The following IFT122 variants were observed in gnomAD, a reference collection of about 807,000 sequenced individuals.
IFT122 encodes the protein intraflagellar transport 122.
IFT122 carries 118 observed loss-of-function variants against 161.6 expected under a neutral mutation model. The ratio of observed to expected loss-of-function variants is 0.73; its 90% CI spans 0.63 to 0.85. IFT122 has a LOEUF of 0.85. Among genes scored for constraint, IFT122 ranks in the 40% least tolerant of loss-of-function variants. IFT122 has a pLI of 0.00. For missense variants in IFT122, 1,381 were observed against 1,579.6 expected (o/e 0.87, Z 2.13); for synonymous variants, 550 against 602.4 (o/e 0.91, Z 1.27).
chr3:129,457,170 C>G (rs940858678), intron 3 of IFT122, among the ~76,000 whole-genome samples: 1 of 152,166 alleles, frequency 6.6e-6, no homozygotes. Flanking sequence ...GCCATGGTAC[C>G]GTGATCCTCT....
chr3:129,516,709 CACACACACACACACACAG>C (rs2083788144), intron 26 of IFT122, among the ~76,000 whole-genome samples: 2 of 119,214 alleles, frequency 1.7e-5, no homozygotes, highest in African/African-American at 3.4e-5. Flanking sequence ...CACACACACA[CACACACACACACACACAG>C]AGAGACTGCC....
intron 5 of IFT122, among the ~76,000 whole-genome samples, chr3:129,462,790 A>G (rs1319045334): frequency 6.6e-6 from 1 of 152,208 alleles, no homozygotes; most frequent in Non-Finnish European, 1.5e-5. Flanking sequence ...TACACTTGCT[A>G]TGAGGCACTG....
At chr3:129,451,750 A>C (rs1053360918) in intron 2 of IFT122, among the ~76,000 whole-genome samples, 164 bp from the exon 3 acceptor site, 2 of 152,158 alleles carry the variant, frequency 1.3e-5, no homozygotes, top group African/African-American at 2.4e-5. Context: ...TGGTTACCCA[A>C]CTTTAAGTCA....
At chr3:129,517,431 G>C (rs749653110) in intron 26 of IFT122, 38 bp from the exon 27 acceptor site, 136 of 1,610,528 alleles carry the variant, frequency 8.4e-5, no homozygotes, top group Non-Finnish European at 1.1e-4. Context: ...CCTTTGCAAG[G>C]CCTCCAGCCC....
chr3:129,507,579 T>C, intron 22 of IFT122, 89 bp from the exon 23 acceptor site: 1 of 962,354 alleles, frequency 1.0e-6, no homozygotes, highest in South Asian at 1.3e-5. Flanking sequence ...CTGGGAAAAG[T>C]ACTGTTGCCT....
chr3:129,455,388 A>G (rs28405331), intron 3 of IFT122, among the ~76,000 whole-genome samples: 35,773 of 151,630 alleles, frequency 0.24, 6,487 homozygotes, highest in East Asian at 0.5. Flanking sequence ...GGTCGGCCTG[A>G]TCTCAAACTC....
chr3:129,488,278 C>A lies in IFT122; in HGVS notation c.1873C>A (p.Leu625Met). 6.2e-7 allele frequency: 1 copy of A among 1,614,158 alleles called. No homozygotes were observed. Among genetic ancestry groups the A allele is most frequent in the East Asian group, 2.2e-5 (1 of 44,888 alleles). Residue 625 changes from leucine (L) to methionine (M), a missense_variant, in exon 16 of 30, where the codon CTG becomes ATG. Leu to Met is a conservative substitution (Grantham distance 15, BLOSUM62 2). This residue lies in a region of IFT122 where 544 missense variants were observed against 648.0 expected (regional missense o/e 0.84). Transcript: ENST00000348417. ...GCAGTCCGCTCCCATGTACCAGTAC[C>A]TGGATAGGAAACTGTTCAAGGAAGC... ...VPQSAPMYQY[L>M]DRKLFKEAYQ...
rs1179775608 is a variant in IFT122 at position 129,476,753 on chromosome 3, G to A, written c.1099G>A (p.Asp367Asn). The change falls in exon 11 of 30, where the codon GAT becomes AAT. Residue 367 changes from aspartate to asparagine, a missense_variant. By Grantham distance (23) the Asp-to-Asn change is conservative. Transcript: ENST00000348417. ...GLYKDRYAYRDSMTDVIVQHL... is the reference protein window; with the variant it reads ...GLYKDRYAYRNSMTDVIVQHL... Reference sequence around the variant, plus strand: ...TTACAAGGACCGCTATGCCTACAGGGATAGCATGACTGACGTCATTGTGCA... The same window carrying A: ...TTACAAGGACCGCTATGCCTACAGGAATAGCATGACTGACGTCATTGTGCA... The A allele has an allele frequency of 3.1e-6, 5 of 1,613,956 alleles. No individual in the cohort carries two copies. Among genetic ancestry groups the A allele is most frequent in the Non-Finnish European group, 4.2e-6 (5 of 1,179,940 alleles).
Position 129,463,553 on chromosome 3 carries a change from A to AT in IFT122, c.350-5dup, listed in dbSNP as rs1358091077. On this transcript the variant is annotated splice_polypyrimidine_tract_variant and splice_region_variant and intron_variant, in intron 5 of 29. Transcript: ENST00000348417. ...TCCATCTTCTTTTATATTATTGTGC[A>AT]TTGAAGGGTTGTGGTCTCCTGAACA... is the stretch of plus-strand genomic sequence containing the variant. 1.9e-6 allele frequency: 3 copies of AT among 1,612,540 alleles called. No individual in the cohort carries two copies. Among genetic ancestry groups the AT allele is most frequent in the Admixed American group, 1.7e-5 (1 of 59,992 alleles).
chr3:129,515,656 C>T (rs909668683), intron 26 of IFT122, 57 bp downstream of exon 26: 2 of 1,444,116 alleles, frequency 1.4e-6, no homozygotes, highest in South Asian at 2.3e-5. Flanking sequence ...GCCAGGCTCA[C>T]TCCACTGCTC....
intron 27 of IFT122, 118 bp from the exon 28 acceptor site, chr3:129,518,989 C>G (rs973053278): frequency 6.9e-6 from 6 of 868,962 alleles, no homozygotes; most frequent in Non-Finnish European, 7.9e-6. Context: ...GTTCCTCCAC[C>G]TGGAAAACTC....
At chr3:129,506,023 A>G (rs2082156355) in intron 21 of IFT122, among the ~76,000 whole-genome samples, 1 of 152,188 alleles carries the variant, frequency 6.6e-6, no homozygotes, top group Non-Finnish European at 1.5e-5. Flanking sequence ...CAAGTGCAGT[A>G]AAGTGGCAGG....
intron 9 of IFT122, among the ~76,000 whole-genome samples, chr3:129,473,583 G>A (rs1023433546): frequency 6.6e-6 from 1 of 152,210 alleles, no homozygotes; most frequent in Non-Finnish European, 1.5e-5. Flanking sequence ...ACATCTCTGT[G>A]CAGTTCTTTA....
intron 18 of IFT122, among the ~76,000 whole-genome samples, chr3:129,496,833 A>G (rs1213596735): frequency 6.6e-6 from 1 of 152,198 alleles, no homozygotes; most frequent in Admixed American, 6.5e-5. Flanking sequence ...TAACACATTC[A>G]TACTGAGATC....
chr3:129,450,435 G>A (rs1323278483), intron 2 of IFT122, among the ~76,000 whole-genome samples: 1 of 152,146 alleles, frequency 6.6e-6, no homozygotes, highest in East Asian at 1.9e-4. Flanking sequence ...AATTTTCAGA[G>A]AACCCCTTAT....
At chr3:129,465,298 A>C (rs1182388740) in intron 7 of IFT122, among the ~76,000 whole-genome samples, 2 of 151,996 alleles carry the variant, frequency 1.3e-5, no homozygotes, top group African/African-American at 4.8e-5. Context: ...GTTAATAAAT[A>C]GCTTTTTCAT....
At position 129,507,768 on chromosome 3, in the gene IFT122, G is replaced by A. The variant is rs1384777921; in HGVS notation, c.2886+6G>A. 6.2e-7 allele frequency: 1 copy of A among 1,612,080 alleles called. No homozygotes were observed. The highest frequency in any genetic ancestry group is 1.3e-5 in the African/African-American group (1 of 74,914). On this transcript the variant is annotated splice_donor_region_variant and intron_variant, in intron 23 of 29. Coordinates refer to ENST00000348417, the MANE Select transcript of IFT122 (RefSeq NM_052989.3). ...ATGCCATCCATCGCCACACGGTAAG[G>A]TGGCTGGGTCACCAGCACCTGAGGG...
chr3:129,458,507 G>A (rs1372061800), intron 3 of IFT122, 92 bp from the exon 4 acceptor site: 6 of 1,040,070 alleles, frequency 5.8e-6, no homozygotes, highest in Non-Finnish European at 9.1e-6. Flanking sequence ...CACTTACTAG[G>A]TACCTTAAAG....
At chr3:129,465,118 T>TATATGA (rs1416886298) in intron 7 of IFT122, among the ~76,000 whole-genome samples, 1 of 18,320 alleles carries the variant, frequency 5.5e-5, no homozygotes, top group African/African-American at 1.7e-3. Context: ...TATATGAGTG[T>TATATGA]GTGTGTGTGT....
Sources: gnomAD v4.1 joint callset for allele counts (sites outside exome capture counted in the v4.1 genomes callset) on GRCh38, gnomAD v4.1.1 for gene constraint, gnomAD v4.1.1 regional missense constraint, MANE v1.5 for transcripts, NCBI Gene and HGNC (gene_info 2026-07-23, HGNC 2026-07-21) for gene names.